The following XPO7 variants were observed in gnomAD, a reference collection of about 807,000 sequenced individuals.
The protein encoded by XPO7 is exportin 7.
XPO7 carries 21 observed loss-of-function variants against 144.3 expected under a neutral mutation model. That is an observed-to-expected ratio of 0.15 (90% CI 0.10 to 0.21). XPO7 has a LOEUF of 0.21. XPO7 is among the 10% of genes least tolerant of loss of function. XPO7 has a pLI of 1.00. For synonymous variants in XPO7, 580 were observed against 499.6 expected, an observed-to-expected ratio of 1.16 and a Z score of -2.15; for missense variants, 808 against 1,325.8, an observed-to-expected ratio of 0.61 and a Z score of 6.06.
At chr8:21,921,329 A>G (rs1171951683) in intron 1 of XPO7, 1 of 152,204 alleles carries the variant, frequency 6.6e-6, no homozygotes, top group Non-Finnish European at 1.5e-5. Context: ...TGGTTAAGGT[A>G]AGTCTAAGTG....
At chr8:21,951,785 T>C (rs1811381234) in intron 1 of XPO7, among the ~76,000 whole-genome samples, 1 of 152,108 alleles carries the variant, frequency 6.6e-6, no homozygotes, top group Admixed American at 6.6e-5. Flanking sequence ...GCCCAGTATT[T>C]TGGAAAATTC....
chr8:21,989,572 A>G (rs1355237803), intron 16 of XPO7, among the ~76,000 whole-genome samples: 2 of 152,164 alleles, frequency 1.3e-5, no homozygotes, highest in Non-Finnish European at 2.9e-5. Flanking sequence ...AAGAAGGGTA[A>G]ACCCTGTAAA....
intron 1 of XPO7, among the ~76,000 whole-genome samples, chr8:21,961,944 T>G (rs1585444125): frequency 6.6e-6 from 1 of 152,250 alleles, no homozygotes; most frequent in East Asian, 1.9e-4. Context: ...ATTACAGGCA[T>G]GAGCCACCAC....
intron 2 of XPO7, among the ~76,000 whole-genome samples, chr8:21,967,798 C>G (rs886356312): frequency 3.9e-5 from 6 of 152,112 alleles, no homozygotes; most frequent in African/African-American, 1.2e-4. Context: ...GAATTAGAAC[C>G]TCCTCCAGCT....
intron 1 of XPO7, among the ~76,000 whole-genome samples, chr8:21,945,399 A>T (rs11135742): frequency 0.36 from 54,674 of 152,218 alleles, 10,392 homozygotes; most frequent in Non-Finnish European, 0.43. Flanking sequence ...TGTCTAAATT[A>T]TACTGGAACA....
intron 8 of XPO7, 30 bp downstream of exon 8, chr8:21,977,873 A>T: frequency 6.3e-7 from 1 of 1,587,358 alleles, no homozygotes; most frequent in Admixed American, 1.7e-5. Context: ...TCTTAAAGCA[A>T]ACCTATTCAT....
rs7826435 is a variant in XPO7, at chr8:21,958,602, A to G, written c.19-8255A>G. 2.3e-3 allele frequency among the ~76,000 whole-genome samples: 343 copies of G among 151,780 alleles called. 1 individual carries two copies. The highest frequency in any genetic ancestry group is 8.0e-3 in the African/African-American group (331 of 41,366). On this transcript the variant is annotated intron_variant, in intron 1 of 27. Coordinates refer to ENST00000252512, the MANE Select transcript of XPO7 (RefSeq NM_015024.5). Reference sequence around the variant, plus strand: ...CAAAAAGCACAAAACTGCAAGAAACATGGCAGTGAAAAAAAAAAAACCCGT... The same window carrying G: ...CAAAAAGCACAAAACTGCAAGAAACGTGGCAGTGAAAAAAAAAAAACCCGT...
chr8:22,002,578 A>G (rs1325663825), intron 25 of XPO7, among the ~76,000 whole-genome samples: 1 of 152,206 alleles, frequency 6.6e-6, no homozygotes, highest in Non-Finnish European at 1.5e-5. Flanking sequence ...TAAATAGAGC[A>G]GGAGTTAGCA....
At chr8:21,999,060 T>C (rs776256204) in intron 22 of XPO7, 31 bp from the exon 23 acceptor site, 23 of 1,611,668 alleles carry the variant, frequency 1.4e-5, no homozygotes, top group Admixed American at 5.0e-5. Context: ...TCTAATGTGG[T>C]TGAATAAACA....
intron 6 of XPO7, among the ~76,000 whole-genome samples, chr8:21,975,581 T>C (rs1812200135): frequency 6.6e-6 from 1 of 152,270 alleles, no homozygotes; most frequent in African/African-American, 2.4e-5. Flanking sequence ...CTTTCTGTTA[T>C]TCCAGTTAAC....
chr8:21,949,834 A>T (rs1271135605), intron 1 of XPO7, among the ~76,000 whole-genome samples: 2 of 152,170 alleles, frequency 1.3e-5, no homozygotes, highest in African/African-American at 4.8e-5. Flanking sequence ...GCTTCAAGCG[A>T]TTCTCCTGCC....
At chr8:21,995,717 A>G in intron 21 of XPO7, 118 bp downstream of exon 21, 1 of 731,878 alleles carries the variant, frequency 1.4e-6, no homozygotes, top group Non-Finnish European at 2.1e-6. Flanking sequence ...GCATTTTAAA[A>G]TTCGAAAAGT....
chr8:22,002,187 G>C lies in XPO7; in HGVS notation c.2858G>C (p.Ser953Thr). The change falls in exon 25 of 28, where the codon AGC (serine) becomes ACC (threonine). Residue 953 changes from serine to threonine, a missense_variant. This residue lies in a region of XPO7 where 140 missense variants were observed against 237.9 expected (regional missense o/e 0.59). Transcript: ENST00000252512. ...VTYLFKQLSR[S>T]TKKRTTPLNQ... ...TACCTCTTCAAGCAGCTGTCACGTA[G>C]CACCAAGAAGAGGACCACACCCCTG... 1 of 1,613,228 alleles carries C rather than the reference G, an allele frequency of 6.2e-7. No individual in the cohort carries two copies. Among genetic ancestry groups the C allele is most frequent in the Non-Finnish European group, 8.5e-7 (1 of 1,179,564 alleles).
At chr8:21,970,066 T>G in intron 3 of XPO7, 78 bp from the exon 4 acceptor site, 1 of 1,474,256 alleles carries the variant, frequency 6.8e-7, no homozygotes. Context: ...CCATTTAGCA[T>G]GTCTAAAGAT....
chr8:21,971,766 C>A, intron 4 of XPO7, 110 bp from the exon 5 acceptor site: 1 of 740,270 alleles, frequency 1.4e-6, no homozygotes, highest in South Asian at 2.5e-5. Context: ...CTTGTCTAGG[C>A]AGTTTTACTA....
chr8:21,976,086 T>C (rs967080769), intron 6 of XPO7, among the ~76,000 whole-genome samples: 3 of 152,218 alleles, frequency 2.0e-5, no homozygotes, highest in African/African-American at 7.2e-5. Context: ...TATGTCTACA[T>C]TGTGTGAGGA....
At chr8:21,971,646 T>C (rs368296223) in intron 4 of XPO7, among the ~76,000 whole-genome samples, 105 of 152,366 alleles carry the variant, frequency 6.9e-4, no homozygotes, top group African/African-American at 2.4e-3. Flanking sequence ...TTTTTTTTAA[T>C]GTAAAAGTTT....
Position 22,003,914 on chromosome 8 carries a change from C to T in XPO7, c.3054C>T (p.Asp1018=). The change falls in exon 27 of 28, where the codon GAC becomes GAT. Residue 1018 remains aspartate, a synonymous_variant. Coordinates refer to ENST00000252512, the MANE Select transcript of XPO7 (RefSeq NM_015024.5). ...TCCTTGCCCCACAGTATTTTTCTGA[C>T]CTAAGAAACAGTATTGTGAACAGCC... The part of the protein sequence containing the change: ...LILLNEKYFS[D]LRNSIVNSQP... The T allele has an allele frequency of 6.2e-7, 1 of 1,613,864 alleles. No homozygotes were observed. The highest frequency in any genetic ancestry group is 8.5e-7 in the Non-Finnish European group (1 of 1,179,858).
chr8:21,922,494 G>GA (rs1246857411), intron 1 of XPO7, among the ~76,000 whole-genome samples: 3 of 152,012 alleles, frequency 2.0e-5, no homozygotes, highest in Admixed American at 6.6e-5. Context: ...TTGCGTGGGA[G>GA]AAAAAAATCA....
Sources: gnomAD v4.1 joint callset for allele counts (sites outside exome capture counted in the v4.1 genomes callset) on GRCh38, gnomAD v4.1.1 for gene constraint, gnomAD v4.1.1 regional missense constraint, MANE v1.5 for transcripts, NCBI Gene and HGNC (gene_info 2026-07-23, HGNC 2026-07-21) for gene names.